Variants in PTPRG observed in about 807,000 individuals in gnomAD.
The protein encoded by PTPRG is receptor-type tyrosine-protein phosphatase gamma.
PTPRG carries 102 observed loss-of-function variants against 165.3 expected under a neutral mutation model. That is an observed-to-expected ratio of 0.62 (90% CI 0.53 to 0.73). The LOEUF is 0.73. PTPRG is among the 30% of genes least tolerant of loss of function. The probability of loss-of-function intolerance (pLI) is 0.00; values close to 1 mark genes in which losing one functional copy is unlikely to be tolerated. For missense variants in PTPRG, 1,866 were observed against 1,861.4 expected, an observed-to-expected ratio of 1.00 and a Z score of -0.05; for synonymous variants, 675 against 669.5, an observed-to-expected ratio of 1.01 and a Z score of -0.13.
Position 62,275,848 on chromosome 3 carries a change from G to T in PTPRG, c.3466-25G>T, listed in dbSNP as rs752407583. ...GCTATCAATTATATCTTTGAATGAA[G>T]ACTAAAATGTTTTTTCTTTTTCAGC... On this transcript the variant is annotated intron_variant, in intron 23 of 29. Transcript: ENST00000474889. 5 of 1,534,590 alleles carry T rather than the reference G, an allele frequency of 3.3e-6. No homozygotes were observed. The African/African-American group carries it at 4.1e-5, about 13-fold the overall frequency.
At chr3:62,207,613 T>A (rs1309675026) in intron 12 of PTPRG, among the ~76,000 whole-genome samples, 1 of 152,258 alleles carries the variant, frequency 6.6e-6, no homozygotes, top group East Asian at 1.9e-4. Flanking sequence ...AATCAATACC[T>A]GGTCTCTGAA....
At chr3:62,202,089 G>A (rs913254259) in intron 11 of PTPRG, among the ~76,000 whole-genome samples, 3 of 152,040 alleles carry the variant, frequency 2.0e-5, no homozygotes, top group Non-Finnish European at 2.9e-5. Flanking sequence ...CAGCCCACAA[G>A]GTCAGTGTTA....
At chr3:61,871,170 GTTATGTTATGTTA>G (rs1559660209) in intron 2 of PTPRG, among the ~76,000 whole-genome samples, 911 of 66,218 alleles carry the variant, frequency 0.014, 8 homozygotes, top group South Asian at 0.029. Flanking sequence ...GTTGTGTTAT[GTTATGTTATGTTA>G]TGTTATGTTA....
intron 2 of PTPRG, among the ~76,000 whole-genome samples, chr3:61,841,501 G>A (rs918617676): frequency 6.6e-6 from 1 of 152,194 alleles, no homozygotes; most frequent in African/African-American, 2.4e-5. Flanking sequence ...GGTACAAAGT[G>A]GACTCTTTTC....
At position 62,192,469 on chromosome 3, in the gene PTPRG, C is replaced by T. The variant is rs1293255704; in HGVS notation, c.1218+816C>T. Among the ~76,000 whole-genome samples the T allele has an allele frequency of 3.4e-4, 43 of 128,256 alleles. No homozygotes were observed. In the Admixed American group the frequency reaches 4.0e-3, roughly 12 times the overall value. The allele number at this position is 128,256 out of a possible 152,430, so 84.1% of individuals were successfully genotyped here. A position where few individuals can be genotyped will look rare whatever the true frequency, so the allele number is the denominator to read the frequency against. On this transcript the variant is annotated intron_variant, in intron 9 of 29. Transcript: ENST00000474889. ...TGTCGCCCAGGCTGGAGTGCAGTGG[C>T]GCAATCTCGGCTCACTGCAAGCTCC...
At chr3:62,253,661 A>G (rs1176032348) in intron 15 of PTPRG, among the ~76,000 whole-genome samples, 1 of 152,200 alleles carries the variant, frequency 6.6e-6, no homozygotes, top group Non-Finnish European at 1.5e-5. Flanking sequence ...ATTCTGGAGA[A>G]ACATTTTGGC....
intron 1 of PTPRG, among the ~76,000 whole-genome samples, chr3:61,588,407 A>T (rs1266884193): frequency 6.6e-6 from 1 of 151,732 alleles, no homozygotes; most frequent in Non-Finnish European, 1.5e-5. Flanking sequence ...CTTGAGACAG[A>T]GTCTTGCCCT....
In PTPRG at chr3:62,166,197, CTTTTTTTTTTTTTTTT is replaced by C. The variant is rs564761041; in HGVS notation, c.841-1753_841-1738del. ...TGGCTGCATATTTCAAATTACAGTT[CTTTTTTTTTTTTTTTT>C]TTTTTTTTTTTTTTTTTTTTGGTGA... On this transcript the variant is annotated intron_variant, in intron 7 of 29. Coordinates refer to ENST00000474889, the MANE Select transcript of PTPRG (RefSeq NM_002841.4). 1.1e-3 allele frequency among the ~76,000 whole-genome samples: 59 copies of C among 53,930 alleles called. No individual in the cohort carries two copies. In the Middle Eastern group the frequency reaches 0.041, roughly 37 times the overall value. The allele number at this position is 53,930 out of a possible 152,430, so 35.4% of individuals were successfully genotyped here. A position where few individuals can be genotyped will look rare whatever the true frequency, so the allele number is the denominator to read the frequency against.
At chr3:61,713,184 C>T (rs9829255) in intron 1 of PTPRG, among the ~76,000 whole-genome samples, 29,331 of 147,030 alleles carry the variant, frequency 0.2, 3,025 homozygotes, top group East Asian at 0.22. Context: ...TTTTTTGAGA[C>T]GGAGTGTCAC....
chr3:62,052,246 TTTC>T (rs1464120701), intron 4 of PTPRG, among the ~76,000 whole-genome samples: 3 of 152,268 alleles, frequency 2.0e-5, no homozygotes, highest in South Asian at 2.1e-4. Flanking sequence ...CATCACTTTT[TTTC>T]TTCTTTTGTG....
chr3:61,926,977 TGACAG>T (rs1177938126), intron 2 of PTPRG, among the ~76,000 whole-genome samples: 2 of 152,198 alleles, frequency 1.3e-5, no homozygotes, highest in East Asian at 3.9e-4. Flanking sequence ...TGCATGCAGA[TGACAG>T]GACATTTCTT....
At chr3:61,805,207 A>T (rs2107186967) in intron 2 of PTPRG, among the ~76,000 whole-genome samples, 1 of 152,066 alleles carries the variant, frequency 6.6e-6, no homozygotes, top group East Asian at 1.9e-4. Flanking sequence ...ATGTTTGGAG[A>T]CATTTTTGGT....
intron 3 of PTPRG, among the ~76,000 whole-genome samples, chr3:61,997,495 ATTCT>A (rs2041068912): frequency 6.6e-6 from 1 of 151,926 alleles, no homozygotes; most frequent in Non-Finnish European, 1.5e-5. Context: ...AGGGCCATTG[ATTCT>A]TTCTTGATGT....
Position 62,219,083 on chromosome 3 carries a change from G to T in PTPRG, c.2288+100G>T. 6.8e-7 allele frequency: 1 copy of T among 1,479,494 alleles called. No homozygotes were observed. Among genetic ancestry groups the T allele is most frequent in the Non-Finnish European group, 9.2e-7 (1 of 1,092,530 alleles). The allele number at this position is 1,479,494 out of a possible 1,614,324, so 91.6% of individuals were successfully genotyped here. ...CCACGGCCTCTGCATTCAGGAAGGT[G>T]AGGTAGCTTAAGTGTTTCTGGTCTT... On this transcript the variant is annotated intron_variant, in intron 13 of 29. Coordinates refer to ENST00000474889, the MANE Select transcript of PTPRG (RefSeq NM_002841.4). The surrounding 1 kb of genome is among the most constrained non-coding windows in gnomAD (Gnocchi z 4.5).
Position 62,214,164 on chromosome 3 carries a change from G to C in PTPRG, c.2156-4687G>C, listed in dbSNP as rs1700437294. 6.6e-6 allele frequency among the ~76,000 whole-genome samples: 1 copy of C among 152,224 alleles called. No homozygotes were observed. Among genetic ancestry groups the C allele is most frequent in the Non-Finnish European group, 1.5e-5 (1 of 68,046 alleles). ...ACTCAGCACATCTGAAGTTCTGTAT[G>C]ACTGCCACTTACACACTCAGATGTT... On this transcript the variant is annotated intron_variant, in intron 12 of 29. Coordinates refer to ENST00000474889, the MANE Select transcript of PTPRG (RefSeq NM_002841.4). This position sits in a 1 kb window ranked among gnomAD's most constrained non-coding sequence, Gnocchi z 5.2.
chr3:61,790,733 T>A (rs375240134), intron 2 of PTPRG, among the ~76,000 whole-genome samples: 1 of 151,668 alleles, frequency 6.6e-6, no homozygotes, highest in South Asian at 2.1e-4. Flanking sequence ...CAGAAATTCT[T>A]TGACTTCTGT....
chr3:61,823,150 G>T (rs1408343619), intron 2 of PTPRG, among the ~76,000 whole-genome samples: 1 of 152,180 alleles, frequency 6.6e-6, no homozygotes. Flanking sequence ...TTGGGAGATT[G>T]ATGGAGTTGA....
chr3:62,164,717 C>T (rs957977481), intron 7 of PTPRG, among the ~76,000 whole-genome samples: 1 of 152,188 alleles, frequency 6.6e-6, no homozygotes, highest in Non-Finnish European at 1.5e-5. Context: ...TAAGTGAAAG[C>T]ATTTTTGTGT....
chr3:61,671,772 A>ACC (rs1342888005), intron 1 of PTPRG, among the ~76,000 whole-genome samples: 2 of 125,228 alleles, frequency 1.6e-5, no homozygotes, highest in African/African-American at 6.5e-5. Context: ...CGGGGGGCTG[A>ACC]CCCCCCCACC....
Sources: gnomAD v4.1 joint callset for allele counts (sites outside exome capture counted in the v4.1 genomes callset) on GRCh38, gnomAD v4.1.1 for gene constraint, Gnocchi (gnomAD v3.1) non-coding constraint, MANE v1.5 for transcripts, NCBI Gene and HGNC (gene_info 2026-07-23, HGNC 2026-07-21) for gene names.